ABCA4: variants seen among roughly 807,000 people sequenced by gnomAD.
The protein encoded by ABCA4 is ATP binding cassette subfamily A member 4.
In ABCA4, 196 loss-of-function variants were observed where a neutral mutation model predicts 263.7. The observed-to-expected ratio is 0.74, with a 90% CI of 0.66 to 0.84. The LOEUF is 0.84. Ranked by LOEUF, ABCA4 falls within the 40% of genes least tolerant of loss-of-function variation. The pLI is 0.00. For missense variants in ABCA4, 2,792 were observed against 2,855.1 expected (o/e 0.98, Z 0.50); for synonymous variants, 1,133 against 1,094.2 (o/e 1.04, Z -0.70).
chr1:94,021,598 T>C lies in ABCA4; in HGVS notation c.4848+42A>G, dbSNP rs200651572. 1.6e-4 allele frequency: 250 copies of C among 1,562,320 alleles called. No individual in the cohort carries two copies. In the African/African-American group the frequency reaches 3.1e-3, roughly 19 times the overall value. ...GTAAAAATAAAATAACCAGCTCAGG[T>C]AAATTTTTAGCTCCAGAGCAGATTA... is the stretch of plus-strand genomic sequence containing the variant. On this transcript the variant is annotated intron_variant, in intron 34 of 49. Transcript: ENST00000370225.
chr1:94,008,857 G>C lies in ABCA4; in HGVS notation c.5729C>G (p.Thr1910Ser). 1 of 1,612,866 alleles carries C rather than the reference G, an allele frequency of 6.2e-7. No homozygotes were observed. Among genetic ancestry groups the C allele is most frequent in the Non-Finnish European group, 8.5e-7 (1 of 1,179,868 alleles). The change falls in exon 41 of 50, where the codon ACT becomes AGT. Residue 1910 changes from threonine (T) to serine (S), a missense_variant. Transcript: ENST00000370225. ...ATCTTCATCAACAATGGGCTCCTTAGTGGGCTCGGCAATCCTAGATGAAGA... is the reference window on the plus strand; with the variant it reads ...ATCTTCATCAACAATGGGCTCCTTACTGGGCTCGGCAATCCTAGATGAAGA... ...FFLSQWIAEP[T>S]KEPIVDEDDD...
intron 13 of ABCA4, chr1:94,061,261 C>A (rs1338471887): frequency 4.9e-6 from 1 of 202,636 alleles, no homozygotes; most frequent in African/African-American, 2.3e-5. Flanking sequence ...AAAAGACACA[C>A]AAAATAACTA....
At position 94,078,583 on chromosome 1, in the gene ABCA4, C is replaced by CT; in HGVS notation, c.1356+6_1356+7insA. On this transcript the variant is annotated splice_region_variant and intron_variant, in intron 10 of 49. Coordinates refer to ENST00000370225, the MANE Select transcript of ABCA4 (RefSeq NM_000350.3). Reference sequence around the variant, plus strand: ...CCCTCCCCTCCCCATCCTCCAACCCCCCTTACTCTGATCATGTTCATCTGT... The same window carrying CT: ...CCCTCCCCTCCCCATCCTCCAACCCCTCCTTACTCTGATCATGTTCATCTGT... The CT allele has an allele frequency of 6.4e-7, 1 of 1,557,558 alleles. No individual in the cohort carries two copies. The highest frequency in any genetic ancestry group is 8.9e-7 in the Non-Finnish European group (1 of 1,129,458).
intron 5 of ABCA4, 141 bp downstream of exon 5, chr1:94,102,874 T>G: frequency 8.2e-7 from 1 of 1,213,980 alleles, no homozygotes; most frequent in Non-Finnish European, 1.2e-6. Flanking sequence ...CCGGTTTTTT[T>G]CTAAATACAA....
chr1:93,994,610 T>C (rs367708041), intron 49 of ABCA4, among the ~76,000 whole-genome samples: 68 of 152,356 alleles, frequency 4.5e-4, no homozygotes, highest in South Asian at 2.7e-3. Context: ...ACATATACAA[T>C]GCTATATGAA....
intron 6 of ABCA4, among the ~76,000 whole-genome samples, chr1:94,093,879 A>G (rs557057774): frequency 2.2e-4 from 34 of 152,368 alleles, no homozygotes; most frequent in African/African-American, 7.9e-4. Context: ...AAAAATACTA[A>G]TGCTATAAAT....
At chr1:94,082,287 A>T (rs1390741672) in intron 7 of ABCA4, among the ~76,000 whole-genome samples, 1 of 152,198 alleles carries the variant, frequency 6.6e-6, no homozygotes, top group Non-Finnish European at 1.5e-5. Context: ...ATTCATATAA[A>T]CTGGGCCTTC....
chr1:94,045,581 C>G (rs934480697), intron 19 of ABCA4: 2 of 372,616 alleles, frequency 5.4e-6, no homozygotes, highest in African/African-American at 4.2e-5. Flanking sequence ...TATCAGTTAG[C>G]ATGGAGAGAA....
At chr1:94,118,791 G>A (rs1273368482) in intron 1 of ABCA4, among the ~76,000 whole-genome samples, 6 of 152,150 alleles carry the variant, frequency 3.9e-5, no homozygotes, top group South Asian at 2.1e-4. Context: ...AGCAGGAGTC[G>A]CCCACCCATG....
At chr1:94,018,609 T>C (rs1659803858) in intron 36 of ABCA4, 1 of 455,858 alleles carries the variant, frequency 2.2e-6, no homozygotes, top group African/African-American at 2.0e-5. Context: ...GAAGGTCATT[T>C]GTGTTGGTCT....
At chr1:94,018,951 G>T (rs375551531) in intron 36 of ABCA4, among the ~76,000 whole-genome samples, 29 of 147,824 alleles carry the variant, frequency 2.0e-4, no homozygotes, top group African/African-American at 6.0e-4. Flanking sequence ...CACTGGCTGG[G>T]GTTGCCAGAT....
At chr1:94,043,235 C>A in intron 21 of ABCA4, 101 bp downstream of exon 21, 3 of 1,543,660 alleles carry the variant, frequency 1.9e-6, no homozygotes, top group Non-Finnish European at 2.7e-6. Flanking sequence ...GTGTTCCCAC[C>A]CTTAGAAGCT....
intron 18 of ABCA4, 58 bp from the exon 19 acceptor site, chr1:94,047,151 G>A: frequency 6.3e-7 from 1 of 1,593,304 alleles, no homozygotes; most frequent in South Asian, 1.1e-5. Flanking sequence ...ATGGCCCCAG[G>A]GCTCTGTCTC....
intron 35 of ABCA4, 101 bp downstream of exon 35, chr1:94,021,139 C>T: frequency 6.5e-7 from 1 of 1,530,828 alleles, no homozygotes; most frequent in Non-Finnish European, 9.0e-7. Flanking sequence ...ACAGCATTAC[C>T]ATCCAAATCA....
At chr1:94,020,810 A>T (rs1181303176) in intron 35 of ABCA4, among the ~76,000 whole-genome samples, 2 of 152,258 alleles carry the variant, frequency 1.3e-5, no homozygotes, top group Non-Finnish European at 2.9e-5. Context: ...GAAGAGCCTC[A>T]GCTTGAGGGT....
chr1:93,994,780 T>C (rs965905081), intron 49 of ABCA4, among the ~76,000 whole-genome samples: 1 of 152,132 alleles, frequency 6.6e-6, no homozygotes, highest in Non-Finnish European at 1.5e-5. Flanking sequence ...TCTCATCCAA[T>C]AAGGGAGAAA....
chr1:94,056,568 G>A, intron 15 of ABCA4, 33 bp downstream of exon 15: 2 of 1,601,672 alleles, frequency 1.2e-6, no homozygotes, highest in Non-Finnish European at 1.7e-6. Flanking sequence ...AAGGAAACGT[G>A]TTGTAGGACA....
Position 93,992,924 on chromosome 1 carries a change from G to A in ABCA4, c.*313C>T. 1 of 452,330 alleles carries A rather than the reference G, an allele frequency of 2.2e-6. No homozygotes were observed. The highest frequency in any genetic ancestry group is 4.1e-6 in the Non-Finnish European group (1 of 246,038). The allele number at this position is 452,330 out of a possible 1,614,324, so 28.0% of individuals were successfully genotyped here. A position where few individuals can be genotyped will look rare whatever the true frequency, so the allele number is the denominator to read the frequency against. On this transcript the variant is annotated 3_prime_UTR_variant, in exon 50 of 50. Transcript: ENST00000370225. ...GACAAACATGCAGAAAAGCAGATCT[G>A]CTTGAAATGAGAGCAATATGGAGGC... is the stretch of plus-strand genomic sequence containing the variant.
intron 32 of ABCA4, among the ~76,000 whole-genome samples, chr1:94,022,929 G>C (rs1018972171): frequency 4.6e-5 from 7 of 152,166 alleles, no homozygotes; most frequent in East Asian, 1.9e-4. Context: ...CAGGCTCCTA[G>C]AGTCCCACTT....
Sources: allele counts gnomAD v4.1 joint callset (sites outside exome capture counted in the v4.1 genomes callset), GRCh38; gene constraint gnomAD v4.1.1; transcripts MANE v1.5; gene names NCBI Gene and HGNC (gene_info 2026-07-23, HGNC 2026-07-21).